Variants in ART3 observed in about 807,000 individuals in gnomAD.
The protein encoded by ART3 is ADP-ribosyltransferase 3 (inactive).
In ART3, 49 loss-of-function variants were observed where a neutral mutation model predicts 48.5. The ratio of observed to expected loss-of-function variants is 1.01; its 90% confidence interval spans 0.80 to 1.28. ART3 has a LOEUF of 1.28. ART3 is among the 50% of genes most tolerant of loss of function. The probability of loss-of-function intolerance (pLI) is 0.00; values close to 1 mark genes in which losing one functional copy is unlikely to be tolerated. For missense variants in ART3, 438 were observed against 454.3 expected (o/e 0.96, Z 0.33); for synonymous variants, 145 against 157.2 (o/e 0.92, Z 0.58).
At position 76,083,560 on chromosome 4, in the gene ART3, T is replaced by A. The variant is rs1279862362; in HGVS notation, c.781+1025T>A. 3.9e-5 allele frequency among the ~76,000 whole-genome samples: 6 copies of A among 152,346 alleles called. No individual in the cohort carries two copies. In the East Asian group the frequency reaches 1.2e-3, roughly 29 times the overall value. The stretch of plus-strand genomic sequence containing the variant: ...TCCATGTCATGTCACTCATGCTCTT[T>A]CTTTCTGTTCCACCATCCTTACCAT... On this transcript the variant is annotated intron_variant, in intron 3 of 11. Coordinates refer to ENST00000355810, the MANE Select transcript of ART3 (RefSeq NM_001130016.3).
intron 1 of ART3, among the ~76,000 whole-genome samples, chr4:76,052,216 G>A (rs960384810): frequency 6.6e-6 from 1 of 152,078 alleles, no homozygotes; most frequent in African/African-American, 2.4e-5. Flanking sequence ...CTCTTTCTGG[G>A]ACTTTGACAT....
intron 1 of ART3, among the ~76,000 whole-genome samples, chr4:76,043,801 C>T (rs963072846): frequency 1.3e-5 from 2 of 150,312 alleles, no homozygotes; most frequent in South Asian, 2.1e-4. Flanking sequence ...AGAGGAGGTA[C>T]CAAGAGCAAG....
chr4:76,058,028 T>G (rs1718855776), intron 1 of ART3: 1 of 152,208 alleles, frequency 6.6e-6, no homozygotes, highest in Non-Finnish European at 1.5e-5. Flanking sequence ...AGATGGCAAC[T>G]GTGTTGGAAA....
chr4:76,103,181 T>C (rs548872291), intron 8 of ART3, among the ~76,000 whole-genome samples: 1 of 152,274 alleles, frequency 6.6e-6, no homozygotes, highest in South Asian at 2.1e-4. Context: ...TTACTGAGAC[T>C]AGCTACATGG....
chr4:76,101,709 G>T (rs917137696), intron 8 of ART3, among the ~76,000 whole-genome samples: 1 of 152,050 alleles, frequency 6.6e-6, no homozygotes, highest in Non-Finnish European at 1.5e-5. Flanking sequence ...CCGAGATCGC[G>T]CCACTGCACT....
intron 3 of ART3, among the ~76,000 whole-genome samples, chr4:76,087,285 G>A (rs762559067): frequency 2.6e-5 from 4 of 152,154 alleles, no homozygotes; most frequent in Non-Finnish European, 5.9e-5. Flanking sequence ...GGAGGCGCAC[G>A]TGTACCATGT....
intron 1 of ART3, among the ~76,000 whole-genome samples, chr4:76,060,215 A>G (rs1160007865): frequency 1.3e-5 from 2 of 152,114 alleles, no homozygotes; most frequent in Non-Finnish European, 2.9e-5. Flanking sequence ...ATGTTTTTCT[A>G]TTTTGGAACA....
intron 10 of ART3, among the ~76,000 whole-genome samples, chr4:76,104,884 T>G (rs1261464754): frequency 2.0e-5 from 3 of 152,218 alleles, no homozygotes; most frequent in Non-Finnish European, 2.9e-5. Context: ...TTGCAGGTTT[T>G]GTTATTATGG....
chr4:76,112,423 T>C lies in ART3; in HGVS notation c.1074T>C (p.His358=). The change falls in exon 12 of 12, where the codon CAT becomes CAC. Residue 358 remains histidine (H), a synonymous_variant. Coordinates refer to ENST00000355810, the MANE Select transcript of ART3 (RefSeq NM_001130016.3). The part of the protein sequence containing the change: ...GPVPVPGPKS[H]PSASSGKLLL... ...TTCCTGTTCCAGGTCCCAAAAGCCA[T>C]CCTTCTGCATCCTCGGGCAAACTGC... is the stretch of plus-strand genomic sequence containing the variant. The C allele has an allele frequency of 6.2e-7, 1 of 1,614,126 alleles. No individual in the cohort carries two copies. Among genetic ancestry groups the C allele is most frequent in the Non-Finnish European group, 8.5e-7 (1 of 1,179,990 alleles).
In ART3 at chr4:76,084,052, G is replaced by T. The variant is rs371247469; in HGVS notation, c.781+1517G>T. Among the ~76,000 whole-genome samples the T allele has an allele frequency of 2.6e-5, 4 of 152,020 alleles. No individual in the cohort carries two copies. In the East Asian group the frequency reaches 7.8e-4, roughly 29 times the overall value. ...CCCAGGGTTATTCTATGATTTTTTT[G>T]TTTGTTTCCTTAGTTTTTTTAATAT... On this transcript the variant is annotated intron_variant, in intron 3 of 11. Transcript: ENST00000355810.
chr4:76,091,284 A>G (rs936213667), intron 3 of ART3, among the ~76,000 whole-genome samples: 4 of 152,228 alleles, frequency 2.6e-5, no homozygotes, highest in African/African-American at 7.2e-5. Flanking sequence ...GCTGGATTAT[A>G]TGATAGGTAT....
At chr4:76,094,263 A>AT (rs946766070) in intron 3 of ART3, among the ~76,000 whole-genome samples, 4 of 152,104 alleles carry the variant, frequency 2.6e-5, no homozygotes, top group African/African-American at 9.7e-5. Context: ...ACCTTTAACT[A>AT]TTTTTTGGAC....
chr4:76,093,843 A>G (rs1196126689), intron 3 of ART3, among the ~76,000 whole-genome samples: 1 of 152,158 alleles, frequency 6.6e-6, no homozygotes, highest in Non-Finnish European at 1.5e-5. Context: ...CCACGTCTCT[A>G]CTTAACACCT....
chr4:76,075,837 CT>C (rs929108037), intron 1 of ART3, 43 bp from the exon 2 acceptor site: 25 of 1,501,256 alleles, frequency 1.7e-5, no homozygotes, highest in African/African-American at 2.8e-5. Flanking sequence ...CCCTACACCT[CT>C]TTTTTGAGTC....
chr4:76,045,492 G>A (rs1044041707), intron 1 of ART3, among the ~76,000 whole-genome samples: 9 of 152,044 alleles, frequency 5.9e-5, no homozygotes, highest in African/African-American at 1.7e-4. Context: ...TAAGACAGCC[G>A]CTGCTGCAAC....
chr4:76,019,484 C>A (rs1732567372), intron 1 of ART3, among the ~76,000 whole-genome samples: 1 of 22,998 alleles, frequency 4.3e-5, no homozygotes, highest in African/African-American at 1.8e-4. Flanking sequence ...GATAAAAAAG[C>A]AATTCTTGGC....
At position 76,090,053 on chromosome 4, in the gene ART3, C is replaced by G. The variant is rs573905781; in HGVS notation, c.781+7518C>G. Among the ~76,000 whole-genome samples, 13 of 152,228 alleles carry G rather than the reference C, an allele frequency of 8.5e-5. No homozygotes were observed. The East Asian group carries it at 2.3e-3, about 27-fold the overall frequency. On this transcript the variant is annotated intron_variant, in intron 3 of 11. Transcript: ENST00000355810. ...TGAGATTGCGCCATTGCACTCCAGC[C>G]TGGGTGACAAGAGTGAAACTCCATC...
chr4:76,050,142 G>C (rs112275488), intron 1 of ART3, among the ~76,000 whole-genome samples: 3,908 of 152,132 alleles, frequency 0.026, 97 homozygotes, highest in Admixed American at 0.055. Flanking sequence ...GCAGCAGCAA[G>C]ATTTATTGCA....
intron 11 of ART3, 42 bp downstream of exon 11, chr4:76,107,835 C>T (rs375686184): frequency 8.8e-5 from 125 of 1,426,564 alleles, no homozygotes; most frequent in Non-Finnish European, 1.1e-4. Flanking sequence ...ATGCCTGCTT[C>T]TGTAATATAG....
Sources: gnomAD v4.1 joint callset for allele counts (sites outside exome capture counted in the v4.1 genomes callset) on GRCh38, gnomAD v4.1.1 for gene constraint, MANE v1.5 for transcripts, NCBI Gene and HGNC (gene_info 2026-07-23, HGNC 2026-07-21) for gene names.